PLD5: variants seen among roughly 807,000 people sequenced by gnomAD.
PLD5 encodes inactive phospholipase D5.
In PLD5, 36 loss-of-function variants were observed where a neutral mutation model predicts 61.1. The observed-to-expected ratio is 0.59, with a 90% CI of 0.45 to 0.78. The LOEUF (loss-of-function observed/expected upper bound fraction) is 0.78, where lower values mean the gene tolerates loss of function less well. Ranked by LOEUF, PLD5 falls within the 30% of genes least tolerant of loss-of-function variation. The pLI is 0.00. For missense variants in PLD5, 515 were observed against 644.4 expected (o/e 0.80, Z 2.17); for synonymous variants, 243 against 242.8 (o/e 1.00, Z -0.01).
intron 3 of PLD5, among the ~76,000 whole-genome samples, chr1:242,267,914 G>A (rs1673797317): frequency 1.3e-5 from 2 of 151,642 alleles, no homozygotes; most frequent in East Asian, 1.9e-4. Flanking sequence ...GAGGCAGGAG[G>A]GGAGAGGGAG....
At chr1:242,194,473 T>C (rs1437485393) in intron 5 of PLD5, among the ~76,000 whole-genome samples, 1 of 152,150 alleles carries the variant, frequency 6.6e-6, no homozygotes. Flanking sequence ...CACACATACA[T>C]GTTTACAGCA....
At chr1:242,419,161 C>A (rs1488231292) in intron 1 of PLD5, among the ~76,000 whole-genome samples, 1 of 152,132 alleles carries the variant, frequency 6.6e-6, no homozygotes, top group Non-Finnish European at 1.5e-5. Context: ...CGCCTCCAGG[C>A]GGGTGTGGCT....
rs74152339 is a variant in PLD5, at chr1:242,315,560, T to C, written c.327-27030A>G. On this transcript the variant is annotated intron_variant, in intron 2 of 9. Coordinates refer to ENST00000536534, the MANE Select transcript of PLD5 (RefSeq NM_001372062.1). The stretch of plus-strand genomic sequence containing the variant: ...GCTCTAGGATTCAATATTTATATTA[T>C]TGAATTGAAATAATAATGCAGTTCC... Among the ~76,000 whole-genome samples, 1,489 of 152,302 alleles carry C rather than the reference T, an allele frequency of 9.8e-3. 30 individuals are homozygous for C. Among genetic ancestry groups the C allele is most frequent in the African/African-American group, 0.034 (1,432 of 41,560 alleles).
chr1:242,268,477 G>C (rs1374121653), intron 3 of PLD5, among the ~76,000 whole-genome samples: 1 of 152,016 alleles, frequency 6.6e-6, no homozygotes, highest in Non-Finnish European at 1.5e-5. Flanking sequence ...ATTTTTGTGG[G>C]ACTTAAAGAC....
rs552556662 is a variant in PLD5, at chr1:242,325,031, C to T, written c.326+23075G>A. On this transcript the variant is annotated intron_variant, in intron 2 of 9. Coordinates refer to ENST00000536534, the MANE Select transcript of PLD5 (RefSeq NM_001372062.1). Reference sequence around the variant, plus strand: ...ACTCTGGTCTCCTGTTTAGCCAACTCTATGTGTATTAAACTCTTTCTCTAT... The same window carrying T: ...ACTCTGGTCTCCTGTTTAGCCAACTTTATGTGTATTAAACTCTTTCTCTAT... Among the ~76,000 whole-genome samples, 3 of 152,272 alleles carry T rather than the reference C, an allele frequency of 2.0e-5. No homozygotes were observed. In the South Asian group the frequency reaches 6.2e-4, roughly 32 times the overall value.
intron 2 of PLD5, among the ~76,000 whole-genome samples, chr1:242,299,121 T>A (rs572980982): frequency 4.4e-4 from 67 of 152,086 alleles, no homozygotes; most frequent in South Asian, 1.7e-3. Context: ...CATTAAAAAA[T>A]TTTTTTTAAT....
At chr1:242,348,702 C>T (rs975327005) in intron 1 of PLD5, among the ~76,000 whole-genome samples, 5 of 152,268 alleles carry the variant, frequency 3.3e-5, no homozygotes, top group African/African-American at 1.2e-4. Context: ...ATCCTGAGAC[C>T]ATGTGCCCAA....
At chr1:242,230,496 A>T (rs1671230122) in intron 4 of PLD5, among the ~76,000 whole-genome samples, 1 of 152,228 alleles carries the variant, frequency 6.6e-6, no homozygotes, top group Non-Finnish European at 1.5e-5. Flanking sequence ...GTGAACAATG[A>T]AAAAAATCAT....
At chr1:242,125,779 A>G (rs1297675684) in intron 5 of PLD5, among the ~76,000 whole-genome samples, 4 of 152,064 alleles carry the variant, frequency 2.6e-5, no homozygotes, top group Non-Finnish European at 2.9e-5. Context: ...GAGGTCATCT[A>G]CCATGTATGA....
At position 242,089,109 on chromosome 1, in the gene PLD5, G is replaced by T. The variant is rs570877052; in HGVS notation, c.*745C>A. ...TTTTTTAAATACCAATTCGGTAGGG[G>T]AAAAAAGGATTCAGTTGAAAGGTGA... On this transcript the variant is annotated 3_prime_UTR_variant, in exon 10 of 10. Coordinates refer to ENST00000536534, the MANE Select transcript of PLD5 (RefSeq NM_001372062.1). 23 of 385,598 alleles carry T rather than the reference G, an allele frequency of 6.0e-5. No individual in the cohort carries two copies. Among genetic ancestry groups the T allele is most frequent in the African/African-American group, 4.7e-4 (23 of 48,456 alleles). 23.9% of individuals were successfully genotyped at this position (385,598 alleles called of 1,614,324 possible).
intron 1 of PLD5, among the ~76,000 whole-genome samples, chr1:242,458,901 C>T (rs191007881): frequency 4.6e-5 from 7 of 152,246 alleles, no homozygotes; most frequent in African/African-American, 7.2e-5. Context: ...ATTCTTAAAA[C>T]GAGTAAATGA....
intron 3 of PLD5, among the ~76,000 whole-genome samples, chr1:242,267,214 G>C (rs1261443723): frequency 1.3e-5 from 2 of 151,302 alleles, no homozygotes; most frequent in Non-Finnish European, 2.9e-5. Context: ...AAAGGGAAAG[G>C]GAGAAACTGA....
chr1:242,099,597 A>G (rs1421277892), intron 9 of PLD5, among the ~76,000 whole-genome samples: 3 of 152,150 alleles, frequency 2.0e-5, no homozygotes, highest in African/African-American at 7.2e-5. Flanking sequence ...TGGATGCCAG[A>G]CCCGGCTCCT....
At chr1:242,451,558 C>T (rs755724027) in intron 1 of PLD5, among the ~76,000 whole-genome samples, 5 of 146,778 alleles carry the variant, frequency 3.4e-5, no homozygotes, top group East Asian at 2.0e-4. Context: ...CACCCAGGGT[C>T]GAGTGATTCT....
At chr1:242,295,688 C>A (rs1675613744) in intron 2 of PLD5, among the ~76,000 whole-genome samples, 1 of 152,162 alleles carries the variant, frequency 6.6e-6, no homozygotes, top group African/African-American at 2.4e-5. Context: ...AATAGTAATT[C>A]TATTTTTAGT....
intron 2 of PLD5, among the ~76,000 whole-genome samples, chr1:242,312,917 G>A (rs3863743): frequency 0.31 from 47,455 of 152,086 alleles, 8,736 homozygotes; most frequent in African/African-American, 0.51. Context: ...CTATAAAATT[G>A]TTTAATCAGT....
intron 2 of PLD5, among the ~76,000 whole-genome samples, chr1:242,297,664 G>C (rs12131700): frequency 7.2e-6 from 1 of 139,050 alleles, no homozygotes; most frequent in Admixed American, 7.3e-5. Flanking sequence ...ATGGAGTCTC[G>C]CTCTGTCGCC....
At chr1:242,369,995 T>C (rs1005742392) in intron 1 of PLD5, among the ~76,000 whole-genome samples, 6 of 152,178 alleles carry the variant, frequency 3.9e-5, no homozygotes, top group Non-Finnish European at 8.8e-5. Context: ...TTTTATGTTT[T>C]TCTGGATAAG....
At chr1:242,154,612 C>G (rs77035063) in intron 5 of PLD5, among the ~76,000 whole-genome samples, 3 of 151,852 alleles carry the variant, frequency 2.0e-5, no homozygotes, top group African/African-American at 7.3e-5. Context: ...CATGTGGTTT[C>G]TGTCATTGGT....
Sources: allele counts gnomAD v4.1 joint callset (sites outside exome capture counted in the v4.1 genomes callset), GRCh38; gene constraint gnomAD v4.1.1; transcripts MANE v1.5; gene names NCBI Gene and HGNC (gene_info 2026-07-23, HGNC 2026-07-21).